Variants in CAMK2A observed in about 807,000 individuals in gnomAD.
CAMK2A encodes the protein calcium/calmodulin dependent protein kinase II alpha, also known as calcium/calmodulin-dependent protein kinase type II subunit alpha.
In CAMK2A, 7 loss-of-function variants were observed where a neutral mutation model predicts 79.2. The ratio of observed to expected loss-of-function variants is 0.09; its 90% CI spans 0.05 to 0.17. The LOEUF (loss-of-function observed/expected upper bound fraction) is 0.17, where lower values mean the gene tolerates loss of function less well. Ranked by LOEUF, CAMK2A falls within the 10% of genes least tolerant of loss-of-function variation. CAMK2A has a pLI of 1.00. For synonymous variants in CAMK2A, 242 were observed against 251.7 expected (o/e 0.96, Z 0.36); for missense variants, 214 against 646.4 (o/e 0.33, Z 7.25).
intron 9 of CAMK2A, among the ~76,000 whole-genome samples, chr5:150,251,198 A>G (rs944157805): frequency 5.3e-5 from 8 of 152,244 alleles, no homozygotes; most frequent in Non-Finnish European, 2.9e-5. Context: ...ATTAAATACA[A>G]TATAAAACAT....
At chr5:150,253,627 G>C (rs1335823442) in intron 6 of CAMK2A, 81 bp from the exon 7 acceptor site, 1 of 1,207,336 alleles carries the variant, frequency 8.3e-7, no homozygotes, top group African/African-American at 1.5e-5. Context: ...CACCTCTAGG[G>C]GCCTGGGCTC....
In CAMK2A at chr5:150,256,191, T is replaced by C. The variant is rs1439371314; in HGVS notation, c.411+382A>G. 1.3e-5 allele frequency among the ~76,000 whole-genome samples: 2 copies of C among 152,122 alleles called. No individual in the cohort carries two copies. The highest frequency in any genetic ancestry group is 1.5e-5 in the Non-Finnish European group (1 of 68,012). On this transcript the variant is annotated intron_variant, in intron 6 of 18. Coordinates refer to ENST00000671881, the MANE Select transcript of CAMK2A (RefSeq NM_015981.4). This position sits in a 1 kb window ranked among gnomAD's most constrained non-coding sequence, Gnocchi z 4.6. ...GCAGAGGTTGCTATGGCAACCCCCATTGTGAAGAATCTGAGGCTCAGGAAG... is the reference window on the plus strand; with the variant it reads ...GCAGAGGTTGCTATGGCAACCCCCACTGTGAAGAATCTGAGGCTCAGGAAG...
At chr5:150,231,404 A>AAATAATAATAATAAT in intron 15 of CAMK2A, 24 bp from the exon 16 acceptor site, 1 of 462,834 alleles carries the variant, frequency 2.2e-6, no homozygotes, top group East Asian at 4.1e-5. Flanking sequence ...GGGGACACAG[A>AAATAATAATAATAAT]AATAATAATA....
chr5:150,238,401 G>T (rs559120422), intron 15 of CAMK2A: 1 of 262,622 alleles, frequency 3.8e-6, no homozygotes, highest in African/African-American at 2.3e-5. Context: ...GCAGTGAGCC[G>T]AGATCGTGCC....
intron 13 of CAMK2A, 126 bp downstream of exon 13, chr5:150,245,035 A>T: frequency 1.1e-6 from 1 of 901,348 alleles, no homozygotes; most frequent in Non-Finnish European, 1.7e-6. Flanking sequence ...CTGGCCACAA[A>T]TGTGGCCCAC....
chr5:150,271,397 A>AAAGTG (rs1178887372), intron 2 of CAMK2A, among the ~76,000 whole-genome samples: 2 of 152,214 alleles, frequency 1.3e-5, no homozygotes, highest in Non-Finnish European at 2.9e-5. Flanking sequence ...TCCCAGCAAC[A>AAAGTG]CTGAGCCAGA....
rs1755922085 is a variant in CAMK2A at position 150,253,437 on chromosome 5, C to T, written c.514+7G>A. 6.2e-7 allele frequency: 1 copy of T among 1,610,600 alleles called. No individual in the cohort carries two copies. ...CCCCAACACTTCTGCCAGCCCACCC[C>T]ACTTACCAAACCATGCCTGCTGCTC... On this transcript the variant is annotated splice_region_variant and intron_variant, in intron 7 of 18. Transcript: ENST00000671881.
At position 150,247,823 on chromosome 5, in the gene CAMK2A, C is replaced by T; in HGVS notation, c.901-9G>A. 6.2e-7 allele frequency: 1 copy of T among 1,612,608 alleles called. No homozygotes were observed. Among genetic ancestry groups the T allele is most frequent in the South Asian group, 1.1e-5 (1 of 90,620 alleles). On this transcript the variant is annotated splice_polypyrimidine_tract_variant and intron_variant, in intron 11 of 18. Coordinates refer to ENST00000671881, the MANE Select transcript of CAMK2A (RefSeq NM_015981.4). ...GTGGTGAGAATGGCTCCCTGCAAGA[C>T]ATAAGAAGAGGGCAGTGGGAGAGGA...
intron 7 of CAMK2A, among the ~76,000 whole-genome samples, chr5:150,252,978 C>T (rs1000904769): frequency 4.6e-5 from 7 of 152,222 alleles, no homozygotes; most frequent in African/African-American, 1.4e-4. Flanking sequence ...ATACCAAAAT[C>T]ACAAAGCAGG....
Position 150,223,297 on chromosome 5 carries a change from G to T in CAMK2A, c.1238-80C>A. 1 of 1,212,272 alleles carries T rather than the reference G, an allele frequency of 8.2e-7. No homozygotes were observed. The highest frequency in any genetic ancestry group is 1.2e-6 in the Non-Finnish European group (1 of 852,510). The allele number at this position is 1,212,272 out of a possible 1,614,324, so 75.1% of individuals were successfully genotyped here. A position where few individuals can be genotyped will look rare whatever the true frequency, so the allele number is the denominator to read the frequency against. ...ACTTTCTTCACTTTCTCCACTCCCA[G>T]CAGCCCTCTCAATGGAGGCGCCCTG... On this transcript the variant is annotated intron_variant, in intron 17 of 18. Coordinates refer to ENST00000671881, the MANE Select transcript of CAMK2A (RefSeq NM_015981.4). The surrounding 1 kb of genome is among the most constrained non-coding windows in gnomAD (Gnocchi z 4.1).
intron 17 of CAMK2A, among the ~76,000 whole-genome samples, chr5:150,224,625 A>G (rs141773843): frequency 1.3e-5 from 2 of 152,278 alleles, no homozygotes; most frequent in African/African-American, 4.8e-5. Context: ...TTGGGCTCTC[A>G]GACATACAGA....
intron 9 of CAMK2A, among the ~76,000 whole-genome samples, chr5:150,251,255 G>A (rs1240570697): frequency 2.0e-5 from 3 of 152,308 alleles, no homozygotes; most frequent in South Asian, 4.1e-4. Context: ...ATATAGCTTG[G>A]TAGTTAGAAG....
At chr5:150,271,396 C>G (rs1241940350) in intron 2 of CAMK2A, among the ~76,000 whole-genome samples, 2 of 152,226 alleles carry the variant, frequency 1.3e-5, no homozygotes, top group Non-Finnish European at 2.9e-5. Flanking sequence ...CTCCCAGCAA[C>G]ACTGAGCCAG....
intron 1 of CAMK2A, among the ~76,000 whole-genome samples, chr5:150,277,382 C>T (rs993504748): frequency 6.6e-6 from 1 of 152,216 alleles, no homozygotes. Flanking sequence ...TGCTGTGTAT[C>T]CTGTCTCCCT....
intron 7 of CAMK2A, among the ~76,000 whole-genome samples, chr5:150,252,328 A>G (rs1755873524): frequency 6.6e-6 from 1 of 152,134 alleles, no homozygotes; most frequent in African/African-American, 2.4e-5. Flanking sequence ...GCCAGTGGTA[A>G]TCAGCCACAG....
chr5:150,273,493 T>C (rs1394832481), intron 1 of CAMK2A, among the ~76,000 whole-genome samples: 1 of 152,224 alleles, frequency 6.6e-6, no homozygotes, highest in Non-Finnish European at 1.5e-5. Context: ...GATTTTATTC[T>C]TTGAGTAGGT....
chr5:150,270,866 C>T (rs1332993087), intron 2 of CAMK2A, among the ~76,000 whole-genome samples: 1 of 152,186 alleles, frequency 6.6e-6, no homozygotes, highest in Non-Finnish European at 1.5e-5. Flanking sequence ...AGTGCTTAGT[C>T]ACCTTCCAAA....
intron 17 of CAMK2A, among the ~76,000 whole-genome samples, chr5:150,225,855 G>A (rs139153337): frequency 6.6e-4 from 100 of 152,126 alleles, no homozygotes; most frequent in Middle Eastern, 6.8e-3. Context: ...AGTGATTCTC[G>A]TACCTCAGCC....
At chr5:150,239,451 A>G (rs1159401401) in intron 14 of CAMK2A, among the ~76,000 whole-genome samples, 2 of 152,176 alleles carry the variant, frequency 1.3e-5, no homozygotes, top group African/African-American at 4.8e-5. Context: ...GTTCAGATCC[A>G]CCTTCACACC....
Sources: gnomAD v4.1 joint callset for allele counts (sites outside exome capture counted in the v4.1 genomes callset) on GRCh38, gnomAD v4.1.1 for gene constraint, Gnocchi (gnomAD v3.1) non-coding constraint, MANE v1.5 for transcripts, NCBI Gene and HGNC (gene_info 2026-07-23, HGNC 2026-07-21) for gene names.